Variants in ATG5 observed in about 807,000 individuals in gnomAD.
ATG5 encodes the protein autophagy related 5.
A neutral mutation model predicts 36.5 loss-of-function variants in ATG5; 14 were observed. The observed-to-expected ratio is 0.38, with a 90% CI of 0.25 to 0.60. ATG5 has a LOEUF of 0.60. Ranked by LOEUF, ATG5 falls within the 20% of genes least tolerant of loss-of-function variation. ATG5 has a pLI of 0.60. For missense variants in ATG5, 195 were observed against 326.7 expected, an observed-to-expected ratio of 0.60 and a Z score of 3.11; for synonymous variants, 95 against 101.5, an observed-to-expected ratio of 0.94 and a Z score of 0.38.
intron 2 of ATG5, among the ~76,000 whole-genome samples, chr6:106,315,614 T>C (rs575966647): frequency 1.3e-5 from 2 of 152,258 alleles, no homozygotes; most frequent in African/African-American, 4.8e-5. Flanking sequence ...GTATCGTGTG[T>C]GTGTATGTGT....
chr6:106,299,882 G>A (rs926514564), intron 3 of ATG5, among the ~76,000 whole-genome samples: 1 of 152,178 alleles, frequency 6.6e-6, no homozygotes, highest in Non-Finnish European at 1.5e-5. Context: ...TATTCGGAAA[G>A]TTGCTGCATT....
rs1167060212 is a variant in ATG5, at chr6:106,186,008, T to G, written c.*532A>C. 1 of 153,278 alleles carries G rather than the reference T, an allele frequency of 6.5e-6. No individual in the cohort carries two copies. The highest frequency in any genetic ancestry group is 2.4e-5 in the African/African-American group (1 of 41,468). 9.5% of individuals were successfully genotyped at this position (153,278 alleles called of 1,614,324 possible). ...CAAGATTGCATACCAATAGACAGAC[T>G]GTAAACATAGGAAATTTTCGTTAAG... On this transcript the variant is annotated 3_prime_UTR_variant, in exon 8 of 8. Transcript: ENST00000369076.
At chr6:106,296,849 C>T (rs575787775) in intron 3 of ATG5, among the ~76,000 whole-genome samples, 1 of 152,214 alleles carries the variant, frequency 6.6e-6, no homozygotes, top group East Asian at 1.9e-4. Context: ...AGACTCCATT[C>T]TGGAATCAGT....
In ATG5 at chr6:106,298,847, A is replaced by G. The variant is rs147416002; in HGVS notation, c.237-5741T>C. ...TCTACTGATATTCAACACAATCTAT[A>G]AAAGAAAACAGAACTGGCAAAAATT... On this transcript the variant is annotated intron_variant, in intron 3 of 7. Transcript: ENST00000369076. 2.8e-4 allele frequency among the ~76,000 whole-genome samples: 42 copies of G among 152,308 alleles called. No homozygotes were observed. The East Asian group carries it at 7.9e-3, about 29-fold the overall frequency.
chr6:106,315,249 G>A (rs1314912641), intron 2 of ATG5, among the ~76,000 whole-genome samples: 1 of 152,146 alleles, frequency 6.6e-6, no homozygotes, highest in Non-Finnish European at 1.5e-5. Flanking sequence ...AACAGAAGAA[G>A]CATTTCCTCA....
chr6:106,263,238 G>A (rs560179005), intron 5 of ATG5, among the ~76,000 whole-genome samples: 2 of 152,336 alleles, frequency 1.3e-5, no homozygotes, highest in South Asian at 2.1e-4. Context: ...GGTCTGGACT[G>A]AGCGGAATTC....
intron 7 of ATG5, among the ~76,000 whole-genome samples, chr6:106,190,822 ACTT>A (rs1775941602): frequency 1.3e-5 from 2 of 152,214 alleles, no homozygotes; most frequent in South Asian, 4.1e-4. Flanking sequence ...AATAATGGTA[ACTT>A]CTTATGTATA....
At chr6:106,274,421 G>A (rs1452491767) in intron 5 of ATG5, among the ~76,000 whole-genome samples, 1 of 152,078 alleles carries the variant, frequency 6.6e-6, no homozygotes, top group African/African-American at 2.4e-5. Flanking sequence ...CTCTTTCACA[G>A]AGTTCTGAGA....
At chr6:106,198,808 GAA>G (rs950271154) in intron 7 of ATG5, among the ~76,000 whole-genome samples, 2 of 151,658 alleles carry the variant, frequency 1.3e-5, no homozygotes, top group African/African-American at 4.8e-5. Context: ...GAGAAAGAGA[GAA>G]AGAAAATGAA....
rs577726652 is a variant in ATG5, at chr6:106,189,042, C to A, written c.692-2366G>T. Among the ~76,000 whole-genome samples, 10 of 152,230 alleles carry A rather than the reference C, an allele frequency of 6.6e-5. No individual in the cohort carries two copies. In the South Asian group the frequency reaches 2.1e-3, roughly 32 times the overall value. ...CCCCAGTGCCTAGCATGGTACCTGA[C>A]ATATACAGTAATTAGATAATAAATA... On this transcript the variant is annotated intron_variant, in intron 7 of 7. Coordinates refer to ENST00000369076, the MANE Select transcript of ATG5 (RefSeq NM_004849.4).
intron 6 of ATG5, among the ~76,000 whole-genome samples, chr6:106,217,257 T>C (rs1777075655): frequency 6.6e-6 from 1 of 152,196 alleles, no homozygotes; most frequent in Admixed American, 6.5e-5. Context: ...TGTAGGAATT[T>C]AAATAACTTT....
At chr6:106,246,433 CT>C in intron 6 of ATG5, among the ~76,000 whole-genome samples, 1 of 147,448 alleles carries the variant, frequency 6.8e-6, no homozygotes, top group Non-Finnish European at 1.5e-5. Context: ...CACACACACC[CT>C]TTCTCTCTCT....
At chr6:106,286,825 CA>C (rs1478410541) in intron 4 of ATG5, among the ~76,000 whole-genome samples, 1 of 152,174 alleles carries the variant, frequency 6.6e-6, no homozygotes, top group Non-Finnish European at 1.5e-5. Flanking sequence ...ATAGGCCCCT[CA>C]ATCCTACAAC....
chr6:106,297,823 C>A (rs1436136532), intron 3 of ATG5, among the ~76,000 whole-genome samples: 1 of 151,524 alleles, frequency 6.6e-6, no homozygotes, highest in Non-Finnish European at 1.5e-5. Context: ...GTAATCCTAG[C>A]ACTATGGAAG....
intron 4 of ATG5, 28 bp downstream of exon 4, chr6:106,293,000 G>T: frequency 6.4e-7 from 1 of 1,570,078 alleles, no homozygotes; most frequent in South Asian, 1.1e-5. Flanking sequence ...TCACAAATGG[G>T]ACGAAGGAGA....
At chr6:106,212,016 C>T (rs995245923) in intron 6 of ATG5, among the ~76,000 whole-genome samples, 6 of 152,038 alleles carry the variant, frequency 3.9e-5, no homozygotes, top group Admixed American at 6.6e-5. Flanking sequence ...TTTGCAGGTG[C>T]TTAAAAAATC....
chr6:106,241,483 C>T (rs181432200), intron 6 of ATG5, among the ~76,000 whole-genome samples: 11 of 152,310 alleles, frequency 7.2e-5, no homozygotes, highest in African/African-American at 2.4e-4. Flanking sequence ...TAGGAATATG[C>T]ATTTCTGGGT....
chr6:106,294,189 G>A (rs937763801), intron 3 of ATG5, among the ~76,000 whole-genome samples: 1 of 151,990 alleles, frequency 6.6e-6, no homozygotes, highest in Non-Finnish European at 1.5e-5. Flanking sequence ...AGACTACTTG[G>A]TGTTATACAC....
At chr6:106,273,891 T>C (rs1481726397) in intron 5 of ATG5, among the ~76,000 whole-genome samples, 2 of 152,234 alleles carry the variant, frequency 1.3e-5, no homozygotes, top group Non-Finnish European at 2.9e-5. Flanking sequence ...CGTGACTTGT[T>C]ATAAAATTAC....
Sources: allele counts gnomAD v4.1 joint callset (sites outside exome capture counted in the v4.1 genomes callset), GRCh38; gene constraint gnomAD v4.1.1; transcripts MANE v1.5; gene names NCBI Gene and HGNC (gene_info 2026-07-23, HGNC 2026-07-21).